Variants in ARHGAP12 observed in about 807,000 individuals in gnomAD.
ARHGAP12 encodes rho GTPase-activating protein 12.
Under a neutral mutation model 108.6 loss-of-function variants are expected in ARHGAP12, and 64 were observed. That is an observed-to-expected ratio of 0.59 (90% confidence interval 0.48 to 0.73). The LOEUF is 0.73. ARHGAP12 is among the 30% of genes least tolerant of loss of function. The pLI is 0.00. For synonymous variants in ARHGAP12, 312 were observed against 337.2 expected (o/e 0.93, Z 0.82); for missense variants, 940 against 1,005.9 (o/e 0.93, Z 0.89).
rs758853012 is a variant in ARHGAP12 at position 31,826,367 on chromosome 10, A to G, written c.1467T>C (p.Ser489=). The G allele has an allele frequency of 4.3e-6, 7 of 1,611,596 alleles. No homozygotes were observed. The highest frequency in any genetic ancestry group is 5.9e-6 in the Non-Finnish European group (7 of 1,178,774). ...AAGATGAACCCTGCAACACCGCCCA[A>G]GAAGACAACCAGTTCTTTCTGTAAT... is the stretch of plus-strand genomic sequence containing the variant. ...GKKVRKNWLS[S]WAVLQGSSLL... The change falls in exon 11 of 20, where the codon TCT becomes TCC. Residue 489 remains serine (S), a synonymous_variant. Transcript: ENST00000344936.
chr10:31,832,626 C>G lies in ARHGAP12; in HGVS notation c.1387-826G>C, dbSNP rs915309656. ...AGCATTATCTGTATGAGACAATAGT[C>G]AATTTTAATTCAACTAAAGCACTCA... On this transcript the variant is annotated intron_variant, in intron 9 of 19. Transcript: ENST00000344936. Among the ~76,000 whole-genome samples, 11 of 152,254 alleles carry G rather than the reference C, an allele frequency of 7.2e-5. No individual in the cohort carries two copies. The East Asian group carries it at 1.9e-3, about 27-fold the overall frequency.
At chr10:31,921,662 G>A (rs530190199) in intron 1 of ARHGAP12, among the ~76,000 whole-genome samples, 1 of 151,358 alleles carries the variant, frequency 6.6e-6, no homozygotes, top group East Asian at 2.0e-4. Flanking sequence ...TACTGGGGAG[G>A]CTGAGGCAGG....
intron 3 of ARHGAP12, among the ~76,000 whole-genome samples, chr10:31,875,379 T>G (rs920161736): frequency 3.3e-5 from 5 of 152,144 alleles, no homozygotes; most frequent in Admixed American, 6.6e-5. Context: ...CACAGATATT[T>G]TGGGTTCAGT....
intron 3 of ARHGAP12, among the ~76,000 whole-genome samples, chr10:31,894,015 G>A (rs1424244220): frequency 6.6e-6 from 1 of 152,176 alleles, no homozygotes; most frequent in Non-Finnish European, 1.5e-5. Context: ...TATCTCAACA[G>A]ATGCAGAAAA....
chr10:31,889,061 C>G (rs780957063), intron 3 of ARHGAP12, among the ~76,000 whole-genome samples: 1 of 152,146 alleles, frequency 6.6e-6, no homozygotes, highest in Non-Finnish European at 1.5e-5. Context: ...AGGTGCCCAC[C>G]ACCATGCCTG....
chr10:31,892,324 TAA>T (rs1378580275), intron 3 of ARHGAP12, among the ~76,000 whole-genome samples: 1 of 152,022 alleles, frequency 6.6e-6, no homozygotes, highest in Non-Finnish European at 1.5e-5. Flanking sequence ...GCAAACTGGA[TAA>T]AGAGTTAAGA....
rs781710205 is a variant in ARHGAP12, at chr10:31,817,918, T to C, written c.1633-32A>G. 33 of 1,556,818 alleles carry C rather than the reference T, an allele frequency of 2.1e-5. 1 individual carries two copies. In the South Asian group the frequency reaches 2.7e-4, roughly 13 times the overall value. Reference sequence around the variant, plus strand: ...AGAAAAGCAGGGAGAAAAAAGAGTATGGTCAGTTTGTGCTTTCAGCAAAAT... The same window carrying C: ...AGAAAAGCAGGGAGAAAAAAGAGTACGGTCAGTTTGTGCTTTCAGCAAAAT... On this transcript the variant is annotated intron_variant, in intron 12 of 19. Coordinates refer to ENST00000344936, the MANE Select transcript of ARHGAP12 (RefSeq NM_018287.7).
chr10:31,811,715 C>A (rs1592240926), intron 15 of ARHGAP12, among the ~76,000 whole-genome samples: 1 of 151,466 alleles, frequency 6.6e-6, no homozygotes, highest in Non-Finnish European at 1.5e-5. Flanking sequence ...GTCACCCAGG[C>A]TGGAGGACAG....
Position 31,887,946 on chromosome 10 carries a change from C to T in ARHGAP12, c.684+20226G>A, listed in dbSNP as rs1337769788. Among the ~76,000 whole-genome samples, 3 of 152,212 alleles carry T rather than the reference C, an allele frequency of 2.0e-5. No individual in the cohort carries two copies. In the East Asian group the frequency reaches 5.8e-4, roughly 29 times the overall value. ...TGCTAGGATTACAGGCGTGAGTCAC[C>T]GCGCCCGGCCTGCCCTTCCTATTTT... On this transcript the variant is annotated intron_variant, in intron 3 of 19. Transcript: ENST00000344936.
intron 1 of ARHGAP12, among the ~76,000 whole-genome samples, chr10:31,915,718 C>G (rs1839526941): frequency 6.6e-6 from 1 of 152,008 alleles, no homozygotes; most frequent in Non-Finnish European, 1.5e-5. Context: ...ACAGTGTTAT[C>G]AATTTTTTAA....
chr10:31,870,800 G>T (rs1837511981), intron 3 of ARHGAP12, among the ~76,000 whole-genome samples: 1 of 152,080 alleles, frequency 6.6e-6, no homozygotes, highest in African/African-American at 2.4e-5. Context: ...TAACAATTTT[G>T]AAAACAAAAA....
At chr10:31,907,935 T>TA (rs1248875888) in intron 3 of ARHGAP12, among the ~76,000 whole-genome samples, 2 of 152,186 alleles carry the variant, frequency 1.3e-5, no homozygotes. Flanking sequence ...TTTCCTCACT[T>TA]AAAGTAGATC....
rs777859666 is a variant in ARHGAP12, at chr10:31,806,546, A to G, written c.*1112T>C. 8 of 152,570 alleles carry G rather than the reference A, an allele frequency of 5.2e-5. No individual in the cohort carries two copies. Among genetic ancestry groups the G allele is most frequent in the Non-Finnish European group, 7.4e-5 (5 of 68,002 alleles). The allele number at this position is 152,570 out of a possible 1,614,324, so 9.5% of individuals were successfully genotyped here. On this transcript the variant is annotated 3_prime_UTR_variant, in exon 20 of 20. Coordinates refer to ENST00000344936, the MANE Select transcript of ARHGAP12 (RefSeq NM_018287.7). ...GGTTTCCACTATTCATACTGGAATTAGAATTCTGTAATAAATTTTTTCTAA... is the reference window on the plus strand; with the variant it reads ...GGTTTCCACTATTCATACTGGAATTGGAATTCTGTAATAAATTTTTTCTAA...
intron 4 of ARHGAP12, among the ~76,000 whole-genome samples, chr10:31,860,302 C>T (rs572547558): frequency 7.9e-5 from 12 of 152,260 alleles, no homozygotes; most frequent in East Asian, 1.9e-4. Context: ...TTTATTTGTA[C>T]GAGCTAGCTG....
At chr10:31,852,146 C>T (rs913794246) in intron 6 of ARHGAP12, among the ~76,000 whole-genome samples, 7 of 152,086 alleles carry the variant, frequency 4.6e-5, no homozygotes, top group African/African-American at 7.2e-5. Context: ...TACTGAGTTA[C>T]TTTTCTTTCT....
At chr10:31,896,159 A>G (rs1838682349) in intron 3 of ARHGAP12, among the ~76,000 whole-genome samples, 1 of 152,098 alleles carries the variant, frequency 6.6e-6, no homozygotes, top group Admixed American at 6.5e-5. Flanking sequence ...TAATGGGTGC[A>G]GCACACCAAC....
At chr10:31,814,653 T>G (rs1271780723) in intron 13 of ARHGAP12, among the ~76,000 whole-genome samples, 1 of 152,164 alleles carries the variant, frequency 6.6e-6, no homozygotes, top group African/African-American at 2.4e-5. Flanking sequence ...TGTATATTAG[T>G]GACACTAACA....
intron 9 of ARHGAP12, among the ~76,000 whole-genome samples, chr10:31,836,423 C>T (rs1424312341): frequency 6.6e-6 from 1 of 151,884 alleles, no homozygotes; most frequent in Non-Finnish European, 1.5e-5. Flanking sequence ...TATATACTGC[C>T]TATTTCAAGC....
At position 31,814,359 on chromosome 10, in the gene ARHGAP12, T is replaced by A; in HGVS notation, c.1734A>T (p.Ala578=). 3.7e-6 allele frequency: 6 copies of A among 1,608,362 alleles called. No individual in the cohort carries two copies. Among genetic ancestry groups the A allele is most frequent in the Non-Finnish European group, 5.1e-6 (6 of 1,174,828 alleles). ...CTTCAATTCCTTCATCAGTTTCTAC[T>A]GCCTATTGGTTAGATATTTCCCAAA... ...KVLSSTINNQ[A]VETDEGIEEE... The change falls in exon 14 of 20, where the codon GCA becomes GCT. Residue 578 remains alanine, a splice_region_variant and synonymous_variant. Transcript: ENST00000344936.
Sources: allele counts gnomAD v4.1 joint callset (sites outside exome capture counted in the v4.1 genomes callset), GRCh38; gene constraint gnomAD v4.1.1; transcripts MANE v1.5; gene names NCBI Gene and HGNC (gene_info 2026-07-23, HGNC 2026-07-21).